Variants in MFAP3L observed in about 807,000 individuals in gnomAD.
MFAP3L encodes microfibril associated protein 3 like.
Under a neutral mutation model 20.0 loss-of-function variants are expected in MFAP3L, and 5 were observed. The observed-to-expected ratio is 0.25, with a 90% confidence interval of 0.13 to 0.53. The LOEUF is 0.53. MFAP3L is among the 20% of genes least tolerant of loss of function. MFAP3L has a pLI of 0.96. For synonymous variants in MFAP3L, 219 were observed against 213.0 expected, an observed-to-expected ratio of 1.03 and a Z score of -0.25; for missense variants, 409 against 527.5, an observed-to-expected ratio of 0.78 and a Z score of 2.20.
intron 2 of MFAP3L, among the ~76,000 whole-genome samples, chr4:169,993,135 A>G (rs1400587100): frequency 6.6e-6 from 1 of 152,160 alleles, no homozygotes; most frequent in African/African-American, 2.4e-5. Flanking sequence ...CAGGAATGAT[A>G]TTTTGAATTC....
chr4:169,994,240 G>T, intron 2 of MFAP3L: 1 of 985,270 alleles, frequency 1.0e-6, no homozygotes, highest in Non-Finnish European at 1.2e-6. Flanking sequence ...AGTGGAGGAG[G>T]GTGAGAAGGT....
chr4:169,993,081 T>C (rs1737852360), intron 2 of MFAP3L, among the ~76,000 whole-genome samples: 1 of 152,204 alleles, frequency 6.6e-6, no homozygotes, highest in Non-Finnish European at 1.5e-5. Context: ...AATGCGAGTT[T>C]TCTTACCCCC....
chr4:169,996,177 T>A (rs1009788479), intron 2 of MFAP3L, among the ~76,000 whole-genome samples: 2 of 138,170 alleles, frequency 1.4e-5, no homozygotes, highest in Admixed American at 6.8e-5. Context: ...CAGGGACCTG[T>A]CACAGTCTTC....
intron 1 of MFAP3L, among the ~76,000 whole-genome samples, 166 bp from the exon 2 acceptor site, chr4:170,006,176 G>C (rs958412373): frequency 1.3e-5 from 2 of 151,088 alleles, no homozygotes; most frequent in African/African-American, 4.9e-5. Flanking sequence ...GCAGTGGGGC[G>C]ATCTTGGCTC....
In MFAP3L at chr4:170,026,184, G is replaced by A. The variant is rs952181792; in HGVS notation, c.-134+50C>T. On this transcript the variant is annotated intron_variant, in intron 1 of 2. Transcript: ENST00000361618. ...TCGGCCGCCGACCCGGTGCGGGGCT[G>A]GCTCCCACCCGTGCCCCTCCGCCCC... 18 of 967,854 alleles carry A rather than the reference G, an allele frequency of 1.9e-5. No individual in the cohort carries two copies. In the African/African-American group the frequency reaches 3.0e-4, roughly 16 times the overall value. 60.0% of individuals were successfully genotyped at this position (967,854 alleles called of 1,614,324 possible).
chr4:170,026,145 GC>G, intron 1 of MFAP3L, 88 bp downstream of exon 1: 1 of 777,840 alleles, frequency 1.3e-6, no homozygotes, highest in Non-Finnish European at 1.6e-6. Context: ...AAGTTCGGCG[GC>G]CCCGGCGCCG....
chr4:169,994,295 C>T, intron 2 of MFAP3L: 1 of 985,376 alleles, frequency 1.0e-6, no homozygotes, highest in Non-Finnish European at 1.2e-6. Context: ...TTGTTTACCT[C>T]CTCCCCATCC....
In MFAP3L at chr4:169,991,355, T is replaced by C. The variant is rs1040027653; in HGVS notation, c.*23A>G. The C allele has an allele frequency of 3.7e-6, 6 of 1,601,376 alleles. No individual in the cohort carries two copies. Among genetic ancestry groups the C allele is most frequent in the South Asian group, 1.1e-5 (1 of 89,272 alleles). On this transcript the variant is annotated 3_prime_UTR_variant, in exon 3 of 3. Coordinates refer to ENST00000361618, the MANE Select transcript of MFAP3L (RefSeq NM_021647.8). The surrounding 1 kb of genome is among the most constrained non-coding windows in gnomAD (Gnocchi z 4.9). ...GGAGCAGCCCCTGATTTTCTTGATA[T>C]GCATAGCTTTTCGGGGTTGGTATTA...
chr4:169,995,453 T>C (rs1406660041), intron 2 of MFAP3L, among the ~76,000 whole-genome samples: 4 of 152,226 alleles, frequency 2.6e-5, no homozygotes, highest in Non-Finnish European at 5.9e-5. Flanking sequence ...TACTGCCACG[T>C]ACAGCTCTGA....
chr4:170,018,405 A>T (rs1331959910), intron 1 of MFAP3L, among the ~76,000 whole-genome samples: 2 of 152,214 alleles, frequency 1.3e-5, no homozygotes, highest in Admixed American at 1.3e-4. Context: ...ATTCCAGATG[A>T]GGGCCTCTGG....
At position 169,991,181 on chromosome 4, in the gene MFAP3L, G is replaced by A. The variant is rs1192943102; in HGVS notation, c.*197C>T. Reference sequence around the variant, plus strand: ...TCTGGTATCAATTCTGCACCCTGATGTTTCTCGCACCCTTCTCTACTGGGG... The same window carrying A: ...TCTGGTATCAATTCTGCACCCTGATATTTCTCGCACCCTTCTCTACTGGGG... On this transcript the variant is annotated 3_prime_UTR_variant, in exon 3 of 3. Coordinates refer to ENST00000361618, the MANE Select transcript of MFAP3L (RefSeq NM_021647.8). This position sits in a 1 kb window ranked among gnomAD's most constrained non-coding sequence, Gnocchi z 4.9. The A allele has an allele frequency of 6.6e-6, 4 of 607,922 alleles. No individual in the cohort carries two copies. Among genetic ancestry groups the A allele is most frequent in the Non-Finnish European group, 8.6e-6 (3 of 349,606 alleles). The allele number at this position is 607,922 out of a possible 1,614,324, so 37.7% of individuals were successfully genotyped here. A position where few individuals can be genotyped will look rare whatever the true frequency, so the allele number is the denominator to read the frequency against.
intron 1 of MFAP3L, among the ~76,000 whole-genome samples, chr4:170,021,586 G>A (rs1182894992): frequency 2.0e-5 from 3 of 152,034 alleles, no homozygotes; most frequent in African/African-American, 7.3e-5. Flanking sequence ...TTACCACATT[G>A]TCTGAAAAAT....
chr4:169,994,544 T>C (rs912253571), intron 2 of MFAP3L: 3 of 975,022 alleles, frequency 3.1e-6, no homozygotes, highest in African/African-American at 3.5e-5. Context: ...AAAATGTTTC[T>C]GAACGTGAAC....
chr4:169,998,929 C>T (rs1407979801), intron 2 of MFAP3L, among the ~76,000 whole-genome samples: 3 of 152,156 alleles, frequency 2.0e-5, no homozygotes, highest in Non-Finnish European at 4.4e-5. Context: ...TGCGTAGAAT[C>T]GGCACCCTTT....
At chr4:169,995,804 C>G (rs1203149113) in intron 2 of MFAP3L, among the ~76,000 whole-genome samples, 1 of 152,190 alleles carries the variant, frequency 6.6e-6, no homozygotes, top group Non-Finnish European at 1.5e-5. Context: ...ACTGAATGTT[C>G]ATGAAGCTGC....
At chr4:170,017,374 T>G (rs1184939802) in intron 1 of MFAP3L, among the ~76,000 whole-genome samples, 1 of 152,212 alleles carries the variant, frequency 6.6e-6, no homozygotes, top group African/African-American at 2.4e-5. Flanking sequence ...TAACTCCCCT[T>G]ACAATTCACC....
At chr4:170,003,654 TAA>T in intron 2 of MFAP3L, 1 of 984,934 alleles carries the variant, frequency 1.0e-6, no homozygotes, top group Non-Finnish European at 1.2e-6. Context: ...CCCAGCTTTT[TAA>T]TACCCAGGGA....
At chr4:170,001,707 G>A (rs886244198) in intron 2 of MFAP3L, among the ~76,000 whole-genome samples, 1 of 152,156 alleles carries the variant, frequency 6.6e-6, no homozygotes, top group Non-Finnish European at 1.5e-5. Flanking sequence ...ACTGAAAACA[G>A]TATATTTCGT....
At chr4:170,015,911 T>C (rs956832408) in intron 1 of MFAP3L, among the ~76,000 whole-genome samples, 7 of 152,156 alleles carry the variant, frequency 4.6e-5, no homozygotes, top group Non-Finnish European at 7.4e-5. Context: ...ATCCGAGCTG[T>C]TCCACAGGGG....
Sources: allele counts gnomAD v4.1 joint callset (sites outside exome capture counted in the v4.1 genomes callset), GRCh38; gene constraint gnomAD v4.1.1; non-coding constraint Gnocchi (gnomAD v3.1); transcripts MANE v1.5; gene names NCBI Gene and HGNC (gene_info 2026-07-23, HGNC 2026-07-21).